Variants in MACC1 observed in about 807,000 individuals in gnomAD.
MACC1 encodes the protein metastasis-associated in colon cancer protein 1.
MACC1 carries 79 observed loss-of-function variants against 70.7 expected under a neutral mutation model. The observed-to-expected ratio is 1.12, with a 90% CI of 0.93 to 1.35. The LOEUF is 1.35. MACC1 is among the 40% of genes most tolerant of loss of function. The pLI is 0.00. For missense variants in MACC1, 1,106 were observed against 978.1 expected, an observed-to-expected ratio of 1.13 and a Z score of -1.74; for synonymous variants, 361 against 347.2, an observed-to-expected ratio of 1.04 and a Z score of -0.44.
Position 20,159,195 on chromosome 7 carries a change from G to C in MACC1, c.1166C>G (p.Thr389Arg). The part of the protein sequence containing the change: ...YIHPSFTVVL[T>R]VCGHNYMPGQ... ...TGGCATATAATTGTGTCCACAAACTGTTAAAACAACAGTAAAACTGGGATG... is the reference window on the plus strand; with the variant it reads ...TGGCATATAATTGTGTCCACAAACTCTTAAAACAACAGTAAAACTGGGATG... Residue 389 changes from threonine (T) to arginine (R), a missense_variant, in exon 5 of 7, where the codon ACA becomes AGA. Coordinates refer to ENST00000400331, the MANE Select transcript of MACC1 (RefSeq NM_182762.4). 6.2e-7 allele frequency: 1 copy of C among 1,613,824 alleles called. No homozygotes were observed. The highest frequency in any genetic ancestry group is 8.5e-7 in the Non-Finnish European group (1 of 1,179,920).
chr7:20,160,143 G>A lies in MACC1; in HGVS notation c.218C>T (p.Ala73Val), dbSNP rs1782121051. 1.2e-6 allele frequency: 2 copies of A among 1,613,192 alleles called. No homozygotes were observed. The highest frequency in any genetic ancestry group is 4.5e-5 in the East Asian group (2 of 44,874). Residue 73 changes from alanine to valine, a missense_variant, in exon 5 of 7, where the codon GCT becomes GTT. Physicochemically the swap from Ala to Val is moderately conservative, Grantham distance 64. Transcript: ENST00000400331. ...TATGTCATCCAAAAATGGGTTAGAAGCAGACAGTTGATTCCAGAATGGATT... is the reference window on the plus strand; with the variant it reads ...TATGTCATCCAAAAATGGGTTAGAAACAGACAGTTGATTCCAGAATGGATT... ...VANPFWNQLS[A>V]SNPFLDDITQ...
chr7:20,141,141 G>T lies in MACC1; in HGVS notation c.2364C>A (p.Ala788=). The T allele has an allele frequency of 6.2e-7, 1 of 1,600,624 alleles. No individual in the cohort carries two copies. The highest frequency in any genetic ancestry group is 8.5e-7 in the Non-Finnish European group (1 of 1,175,258). Reference sequence around the variant, plus strand: ...CACTCCAGGTATACAGAAAATCATAGGCAGGTTTCCACATCATCTATAAAG... The same window carrying T: ...CACTCCAGGTATACAGAAAATCATATGCAGGTTTCCACATCATCTATAAAG... ...DVAVEMMWKP[A]YDFLYTWSAH... is the part of the protein sequence containing the mutation. The change falls in exon 7 of 7, where the codon GCC becomes GCA. Residue 788 remains alanine (A), a synonymous_variant. Transcript: ENST00000400331.
At chr7:20,157,073 T>A (rs903928325) in intron 5 of MACC1, among the ~76,000 whole-genome samples, 1 of 152,194 alleles carries the variant, frequency 6.6e-6, no homozygotes, top group African/African-American at 2.4e-5. Context: ...TCTATAAGAA[T>A]AGGCAACTGT....
In MACC1 at chr7:20,141,068, C is replaced by G. The variant is rs757687598; in HGVS notation, c.2437G>C (p.Ala813Pro). Reference protein sequence around the residue: ...YRDVLQDLQSALDRMKNPVTK... With the variant: ...YRDVLQDLQSPLDRMKNPVTK... ...ACAGGGTTTTTCATTCTGTCCAAAGCTGACTGAAGGTCTTGTAACACATCT... is the reference window on the plus strand; with the variant it reads ...ACAGGGTTTTTCATTCTGTCCAAAGGTGACTGAAGGTCTTGTAACACATCT... Residue 813 changes from alanine to proline, a missense_variant, in exon 7 of 7, where the codon GCT becomes CCT. Physicochemically the swap from Ala to Pro is conservative, Grantham distance 27 (BLOSUM62 -1). Coordinates refer to ENST00000400331, the MANE Select transcript of MACC1 (RefSeq NM_182762.4). The G allele has an allele frequency of 6.2e-7, 1 of 1,613,806 alleles. No homozygotes were observed. Among genetic ancestry groups the G allele is most frequent in the South Asian group, 1.1e-5 (1 of 91,068 alleles).
intron 1 of MACC1, among the ~76,000 whole-genome samples, chr7:20,201,592 T>G (rs1432229698): frequency 1.3e-5 from 2 of 152,142 alleles, no homozygotes; most frequent in Non-Finnish European, 2.9e-5. Flanking sequence ...GAGTTTAAGT[T>G]CAGTCAATGA....
intron 1 of MACC1, among the ~76,000 whole-genome samples, chr7:20,186,489 A>C (rs572555967): frequency 6.6e-6 from 1 of 152,096 alleles, no homozygotes; most frequent in Admixed American, 6.5e-5. Context: ...AATATTGAAA[A>C]GGTAAAATAA....
At chr7:20,173,977 T>C (rs937654679) in intron 1 of MACC1, among the ~76,000 whole-genome samples, 13 of 152,134 alleles carry the variant, frequency 8.5e-5, no homozygotes, top group Non-Finnish European at 1.9e-4. Context: ...AAAAATTGGT[T>C]TGGGTGTATG....
rs974517467 is a variant in MACC1, at chr7:20,137,001, GATT to G, written c.*3942_*3944del. The G allele has an allele frequency of 1.7e-4, 26 of 149,668 alleles. No individual in the cohort carries two copies. Among genetic ancestry groups the G allele is most frequent in the African/African-American group, 4.1e-4 (17 of 41,046 alleles). 9.3% of individuals were successfully genotyped at this position (149,668 alleles called of 1,614,324 possible). On this transcript the variant is annotated 3_prime_UTR_variant, in exon 7 of 7. Coordinates refer to ENST00000400331, the MANE Select transcript of MACC1 (RefSeq NM_182762.4). ...ATTATAATTAATTCTTAAAGATTAA[GATT>G]ATTATTGTGAATAAGAAGAAAAATG...
chr7:20,197,280 C>T (rs972128814), intron 1 of MACC1, among the ~76,000 whole-genome samples: 1 of 152,182 alleles, frequency 6.6e-6, no homozygotes, highest in Non-Finnish European at 1.5e-5. Context: ...CCTCCCAGGC[C>T]TATGTGCAGC....
At chr7:20,160,393 A>C in intron 4 of MACC1, 148 bp from the exon 5 acceptor site, 127 of 915,036 alleles carry the variant, frequency 1.4e-4, no homozygotes, top group Non-Finnish European at 1.8e-4. Context: ...ACATAAACTC[A>C]ATGTTAAATT....
chr7:20,168,003 C>T (rs113179119), intron 2 of MACC1, among the ~76,000 whole-genome samples: 1 of 152,054 alleles, frequency 6.6e-6, no homozygotes, highest in East Asian at 1.9e-4. Flanking sequence ...TTACAAGGGG[C>T]CATGAAGAAA....
intron 1 of MACC1, among the ~76,000 whole-genome samples, chr7:20,179,678 GTTTTTT>G (rs113752619): frequency 2.6e-5 from 4 of 151,818 alleles, no homozygotes; most frequent in African/African-American, 9.7e-5. Context: ...AGGAGTTGTT[GTTTTTT>G]TTGTTTTTTG....
chr7:20,211,299 G>A (rs1418996868), intron 1 of MACC1, among the ~76,000 whole-genome samples: 3 of 151,802 alleles, frequency 2.0e-5, no homozygotes, highest in African/African-American at 7.3e-5. Context: ...TAATGTGTTT[G>A]GCATATAGTA....
chr7:20,160,542 C>G (rs1482032779), intron 4 of MACC1, among the ~76,000 whole-genome samples: 1 of 152,016 alleles, frequency 6.6e-6, no homozygotes. Flanking sequence ...ATATATTTAA[C>G]ACATTTTCTT....
intron 3 of MACC1, among the ~76,000 whole-genome samples, chr7:20,162,622 A>T (rs1357327975): frequency 6.6e-6 from 1 of 152,126 alleles, no homozygotes; most frequent in Non-Finnish European, 1.5e-5. Context: ...TCAGAATCAG[A>T]CCCACCCTTA....
At chr7:20,152,316 C>T (rs975511757) in intron 6 of MACC1, among the ~76,000 whole-genome samples, 1 of 152,132 alleles carries the variant, frequency 6.6e-6, no homozygotes, top group African/African-American at 2.4e-5. Context: ...CCTCCCTCTG[C>T]ACCCCCTACC....
At chr7:20,212,343 T>C (rs1783011069) in intron 1 of MACC1, among the ~76,000 whole-genome samples, 1 of 152,224 alleles carries the variant, frequency 6.6e-6, no homozygotes, top group Non-Finnish European at 1.5e-5. Flanking sequence ...ATGTCTGTTC[T>C]GGCTGGAGAT....
intron 1 of MACC1, among the ~76,000 whole-genome samples, chr7:20,206,819 T>A (rs1015125630): frequency 6.6e-6 from 1 of 152,232 alleles, no homozygotes; most frequent in Non-Finnish European, 1.5e-5. Flanking sequence ...TTGAAAGGAA[T>A]GAGGACATCC....
At chr7:20,175,900 A>C (rs1217463371) in intron 1 of MACC1, among the ~76,000 whole-genome samples, 1 of 152,118 alleles carries the variant, frequency 6.6e-6, no homozygotes, top group African/African-American at 2.4e-5. Context: ...ACAATAATAA[A>C]AATATTTCCA....
Sources: allele counts gnomAD v4.1 joint callset (sites outside exome capture counted in the v4.1 genomes callset), GRCh38; gene constraint gnomAD v4.1.1; transcripts MANE v1.5; gene names NCBI Gene and HGNC (gene_info 2026-07-23, HGNC 2026-07-21).